Variants in CYFIP2 observed in about 807,000 individuals in gnomAD.
CYFIP2 encodes the protein cytoplasmic FMR1-interacting protein 2.
CYFIP2 carries 29 observed loss-of-function variants against 158.7 expected under a neutral mutation model. The ratio of observed to expected loss-of-function variants is 0.18; its 90% CI spans 0.14 to 0.25. The LOEUF is 0.25. Among genes scored for constraint, CYFIP2 ranks in the 10% least tolerant of loss-of-function variants. The probability of loss-of-function intolerance (pLI) is 1.00; values close to 1 mark genes in which losing one functional copy is unlikely to be tolerated. For synonymous variants in CYFIP2, 585 were observed against 617.6 expected, an observed-to-expected ratio of 0.95 and a Z score of 0.78; for missense variants, 852 against 1,639.5, an observed-to-expected ratio of 0.52 and a Z score of 8.29.
chr5:157,384,394 A>T, intron 28 of CYFIP2: 1 of 456,766 alleles, frequency 2.2e-6, no homozygotes, highest in Non-Finnish European at 4.4e-6. Flanking sequence ...GCCAATGCTG[A>T]CTGTTTAAGA....
chr5:157,276,624 C>A (rs1479514044), intron 1 of CYFIP2, among the ~76,000 whole-genome samples: 1 of 152,152 alleles, frequency 6.6e-6, no homozygotes, highest in Non-Finnish European at 1.5e-5. Context: ...TAGGAACTAT[C>A]ATTATCCCTT....
intron 29 of CYFIP2, 83 bp from the exon 30 acceptor site, chr5:157,390,438 T>C: frequency 7.4e-7 from 1 of 1,351,864 alleles, no homozygotes; most frequent in Non-Finnish European, 1.0e-6. Flanking sequence ...GTAGCTGTAC[T>C]CCTGGCCCAA....
intron 23 of CYFIP2, chr5:157,341,789 A>C (rs1018243503): frequency 6.5e-6 from 1 of 155,026 alleles, no homozygotes; most frequent in Non-Finnish European, 1.4e-5. Context: ...TTTGTGCTCT[A>C]TAGATATAAG....
intron 26 of CYFIP2, among the ~76,000 whole-genome samples, chr5:157,378,896 T>C (rs10037531): frequency 0.62 from 94,408 of 152,120 alleles, 29,800 homozygotes; most frequent in East Asian, 0.97. Flanking sequence ...TCATTTTGTT[T>C]AAGTTGCTAA....
Position 157,311,314 on chromosome 5 carries a change from C to T in CYFIP2, c.993-350C>T. On this transcript the variant is annotated intron_variant, in intron 10 of 30. Transcript: ENST00000620254. The surrounding 1 kb of genome is among the most constrained non-coding windows in gnomAD (Gnocchi z 4.7). The stretch of plus-strand genomic sequence containing the variant: ...TGGGTAGGCTGGTTTTGGAGGTTGC[C>T]CACCTTGCTTTTTCTGTGCTCAGAT... 1 of 379,224 alleles carries T rather than the reference C, an allele frequency of 2.6e-6. No individual in the cohort carries two copies. The highest frequency in any genetic ancestry group is 5.1e-6 in the Non-Finnish European group (1 of 196,676). 23.5% of individuals were successfully genotyped at this position (379,224 alleles called of 1,614,324 possible). A position where few individuals can be genotyped will look rare whatever the true frequency, so the allele number is the denominator to read the frequency against.
At chr5:157,304,422 T>C (rs1184922123) in intron 8 of CYFIP2, 56 bp downstream of exon 8, 1 of 1,540,678 alleles carries the variant, frequency 6.5e-7, no homozygotes, top group East Asian at 2.3e-5. Context: ...CTCACCTTCT[T>C]CTTATTAAAA....
intron 10 of CYFIP2, among the ~76,000 whole-genome samples, chr5:157,310,855 TTTC>T (rs1399512155): frequency 1.3e-5 from 2 of 152,236 alleles, no homozygotes; most frequent in Non-Finnish European, 2.9e-5. Context: ...CCCCAGAATC[TTTC>T]TTCTGCCTTG....
chr5:157,303,391 T>C (rs1049643997), intron 7 of CYFIP2, among the ~76,000 whole-genome samples: 6 of 152,236 alleles, frequency 3.9e-5, no homozygotes, highest in Non-Finnish European at 8.8e-5. Context: ...TAGCTGTTAT[T>C]GCTGCCGCTG....
chr5:157,305,212 CAT>C (rs935854662), intron 8 of CYFIP2, among the ~76,000 whole-genome samples: 7 of 152,154 alleles, frequency 4.6e-5, no homozygotes, highest in African/African-American at 1.4e-4. Flanking sequence ...CTGCTATAAA[CAT>C]GTGTGCAAGT....
At chr5:157,310,229 G>A (rs1016722813) in intron 10 of CYFIP2, among the ~76,000 whole-genome samples, 23 of 152,134 alleles carry the variant, frequency 1.5e-4, no homozygotes, top group East Asian at 3.9e-4. Flanking sequence ...TCGTGCAGTC[G>A]ACGTGAATTG....
chr5:157,304,642 G>C (rs1759064281), intron 8 of CYFIP2: 1 of 207,018 alleles, frequency 4.8e-6, no homozygotes, highest in Non-Finnish European at 8.2e-6. Flanking sequence ...ATCCCCTGTG[G>C]TTGGATATTT....
At chr5:157,305,505 AAC>A (rs1330136203) in intron 8 of CYFIP2, among the ~76,000 whole-genome samples, 1 of 152,224 alleles carries the variant, frequency 6.6e-6, no homozygotes, top group East Asian at 1.9e-4. Flanking sequence ...ACCAAGAGTT[AAC>A]ACTTTTAGCA....
In CYFIP2 at chr5:157,339,284, CG is replaced by C. The variant is rs1404771259; in HGVS notation, c.2585+31del. On this transcript the variant is annotated intron_variant, in intron 22 of 30. Coordinates refer to ENST00000620254, the MANE Select transcript of CYFIP2 (RefSeq NM_001037333.3). ...AAGGGAGTCCCTGTGCAGAGGGGGCCGGGTGGGGGTTGGGGGAGTGGCCAGC... is the reference window on the plus strand; with the variant it reads ...AAGGGAGTCCCTGTGCAGAGGGGGCCGGTGGGGGTTGGGGGAGTGGCCAGC... 3.6e-6 allele frequency: 4 copies of C among 1,099,126 alleles called. No homozygotes were observed. In the African/African-American group the frequency reaches 6.0e-5, roughly 17 times the overall value. 68.1% of individuals were successfully genotyped at this position (1,099,126 alleles called of 1,614,324 possible).
chr5:157,346,206 C>G (rs1489893910), intron 23 of CYFIP2, among the ~76,000 whole-genome samples: 1 of 152,120 alleles, frequency 6.6e-6, no homozygotes, highest in African/African-American at 2.4e-5. Flanking sequence ...GATGGCAGAT[C>G]AGAAGGCAGA....
intron 1 of CYFIP2, among the ~76,000 whole-genome samples, chr5:157,272,327 C>A (rs909719809): frequency 2.0e-5 from 3 of 152,230 alleles, no homozygotes; most frequent in Non-Finnish European, 2.9e-5. Flanking sequence ...CAACAAAGAC[C>A]ACCTTGCCAG....
chr5:157,296,329 C>T (rs1758253574), intron 4 of CYFIP2, among the ~76,000 whole-genome samples: 1 of 152,220 alleles, frequency 6.6e-6, no homozygotes, highest in African/African-American at 2.4e-5. Flanking sequence ...CATGGTGGCT[C>T]ATGCCTGTAA....
chr5:157,376,691 T>C (rs1315064570), intron 26 of CYFIP2: 1 of 237,778 alleles, frequency 4.2e-6, no homozygotes. Context: ...GGGTCTCATA[T>C]AGTCAGAGGA....
chr5:157,328,873 A>G (rs536445765), intron 19 of CYFIP2, among the ~76,000 whole-genome samples: 1 of 152,348 alleles, frequency 6.6e-6, no homozygotes, highest in East Asian at 1.9e-4. Context: ...TGGTATTGCC[A>G]GTATATGTTG....
chr5:157,297,786 T>C (rs1481871285), intron 5 of CYFIP2, among the ~76,000 whole-genome samples: 4 of 151,790 alleles, frequency 2.6e-5, no homozygotes, highest in Non-Finnish European at 5.9e-5. Flanking sequence ...AAAATAAAAA[T>C]AAGTAAAAAT....
Sources: allele counts gnomAD v4.1 joint callset (sites outside exome capture counted in the v4.1 genomes callset), GRCh38; gene constraint gnomAD v4.1.1; non-coding constraint Gnocchi (gnomAD v3.1); transcripts MANE v1.5; gene names NCBI Gene and HGNC (gene_info 2026-07-23, HGNC 2026-07-21).